PCDHGA4: variants seen among roughly 807,000 people sequenced by gnomAD.
PCDHGA4 encodes the protein protocadherin gamma-A4.
PCDHGA4 carries 38 observed loss-of-function variants against 54.6 expected under a neutral mutation model. The observed-to-expected ratio is 0.70, with a 90% confidence interval of 0.54 to 0.91. The LOEUF (loss-of-function observed/expected upper bound fraction) is 0.91. PCDHGA4 is among the 40% of genes least tolerant of loss of function. The pLI, the probability that PCDHGA4 is intolerant of heterozygous loss-of-function variation, is 0.00. For synonymous variants in PCDHGA4, 511 were observed against 512.9 expected (o/e 1.00, Z 0.05); for missense variants, 1,298 against 1,220.9 (o/e 1.06, Z -0.94).
intron 1 of PCDHGA4, chr5:141,400,710 C>A (rs1480952915): frequency 2.9e-6 from 2 of 693,672 alleles, no homozygotes; most frequent in Non-Finnish European, 4.8e-6. Context: ...AAAGAAGTAG[C>A]CTTATAGATT....
At chr5:141,454,557 C>T (rs191373514) in intron 1 of PCDHGA4, among the ~76,000 whole-genome samples, 8 of 152,160 alleles carry the variant, frequency 5.3e-5, no homozygotes, top group Admixed American at 5.2e-4. Flanking sequence ...CAGGCATGTG[C>T]CACCACGCCC....
At chr5:141,414,244 T>A in intron 1 of PCDHGA4, 1 of 1,613,526 alleles carries the variant, frequency 6.2e-7, no homozygotes, top group Admixed American at 1.7e-5. Context: ...CACGTCTCTA[T>A]TTAGTCCAGT....
chr5:141,385,276 A>G (rs1315773619), intron 1 of PCDHGA4: 1 of 1,613,564 alleles, frequency 6.2e-7, no homozygotes, highest in Admixed American at 1.7e-5. Flanking sequence ...TTCTTTGCTA[A>G]CATCCGTAGA....
chr5:141,416,223 A>AT, intron 1 of PCDHGA4: 1 of 152,302 alleles, frequency 6.6e-6, no homozygotes, highest in East Asian at 1.9e-4. Flanking sequence ...GTATGCTTAG[A>AT]TTTTTCCAGC....
At chr5:141,420,101 T>C (rs1160215468) in intron 1 of PCDHGA4, 1 of 1,613,928 alleles carries the variant, frequency 6.2e-7, no homozygotes, top group Non-Finnish European at 8.5e-7. Flanking sequence ...TGAGGGAACG[T>C]TGCCCTATGC....
At chr5:141,497,468 G>A (rs912445126) in intron 2 of PCDHGA4, among the ~76,000 whole-genome samples, 10 of 151,996 alleles carry the variant, frequency 6.6e-5, no homozygotes, top group African/African-American at 2.4e-4. Flanking sequence ...GAGATATGGA[G>A]GAGAAGGTGC....
intron 1 of PCDHGA4, among the ~76,000 whole-genome samples, chr5:141,494,469 C>T (rs2099754623): frequency 6.6e-6 from 1 of 152,114 alleles, no homozygotes; most frequent in Non-Finnish European, 1.5e-5. Flanking sequence ...GCACCTCTTC[C>T]CCCAGTTCCA....
chr5:141,505,628 A>C, intron 3 of PCDHGA4, 147 bp downstream of exon 3: 1 of 1,481,752 alleles, frequency 6.7e-7, no homozygotes, highest in Non-Finnish European at 9.0e-7. Flanking sequence ...ACAATTCCAA[A>C]CATAAAGCCT....
intron 2 of PCDHGA4, among the ~76,000 whole-genome samples, chr5:141,497,487 T>TCTCTCTCTC (rs1223198472): frequency 1.3e-5 from 2 of 151,562 alleles, no homozygotes; most frequent in Non-Finnish European, 2.9e-5. Flanking sequence ...GCGGAACCTC[T>TCTCTCTCTC]CTCTCTCTCC....
chr5:141,373,352 G>A (rs1311109117), intron 1 of PCDHGA4, among the ~76,000 whole-genome samples: 5 of 152,178 alleles, frequency 3.3e-5, no homozygotes, highest in Non-Finnish European at 7.3e-5. Context: ...CTCTTGTAAT[G>A]GGCACTGTAA....
At chr5:141,427,992 T>C in intron 1 of PCDHGA4, 1 of 1,599,002 alleles carries the variant, frequency 6.3e-7, no homozygotes, top group Non-Finnish European at 8.6e-7. Context: ...GCCCGATGGC[T>C]CCGCACTCTT....
chr5:141,403,856 T>A, intron 1 of PCDHGA4: 1 of 1,613,604 alleles, frequency 6.2e-7, no homozygotes, highest in Non-Finnish European at 8.5e-7. Context: ...TGGGGAAATA[T>A]CAACAGCAAA....
At chr5:141,394,021 GA>G (rs2092902279) in intron 1 of PCDHGA4, 1 of 1,613,362 alleles carries the variant, frequency 6.2e-7, no homozygotes, top group Non-Finnish European at 8.5e-7. Context: ...AATTATTATA[GA>G]TTAGTGACAA....
intron 1 of PCDHGA4, chr5:141,399,717 C>T (rs748626326): frequency 3.1e-6 from 5 of 1,613,320 alleles, no homozygotes; most frequent in Non-Finnish European, 4.2e-6. Context: ...CACTACAGGC[C>T]CGCGACCAGG....
chr5:141,376,384 T>C (rs1588802430), intron 1 of PCDHGA4: 13 of 1,614,204 alleles, frequency 8.1e-6, no homozygotes, highest in Middle Eastern at 1.7e-4. Context: ...GTAAGAGTCA[T>C]CTGATTTTCC....
chr5:141,452,654 T>C (rs2098746449), intron 1 of PCDHGA4, among the ~76,000 whole-genome samples: 1 of 151,162 alleles, frequency 6.6e-6, no homozygotes, highest in Non-Finnish European at 1.5e-5. Context: ...ATTTGCTCCA[T>C]CCACTGCACT....
chr5:141,385,095 G>A (rs1780850874), intron 1 of PCDHGA4: 9 of 1,614,202 alleles, frequency 5.6e-6, no homozygotes, highest in East Asian at 4.5e-5. Context: ...AAGGTGGCTT[G>A]GCGAACGTGC....
At chr5:141,488,042 G>T (rs2099670966) in intron 1 of PCDHGA4, among the ~76,000 whole-genome samples, 1 of 152,168 alleles carries the variant, frequency 6.6e-6, no homozygotes, top group Non-Finnish European at 1.5e-5. Context: ...TTTCCCAAGG[G>T]ATTGAGGGGA....
At chr5:141,417,693 A>T in intron 1 of PCDHGA4, 1 of 1,091,256 alleles carries the variant, frequency 9.2e-7, no homozygotes, top group Non-Finnish European at 1.3e-6. Context: ...AAAGAAAACC[A>T]GCTCCCACAC....
Sources: allele counts gnomAD v4.1 joint callset (sites outside exome capture counted in the v4.1 genomes callset), GRCh38; gene constraint gnomAD v4.1.1; transcripts MANE v1.5; gene names NCBI Gene and HGNC (gene_info 2026-07-23, HGNC 2026-07-21).